The following SLC4A4 variants were observed in gnomAD, a reference collection of about 807,000 sequenced individuals.
The protein encoded by SLC4A4 is solute carrier family 4 member 4.
SLC4A4 carries 27 observed loss-of-function variants against 111.5 expected under a neutral mutation model. The observed-to-expected ratio is 0.24, with a 90% CI of 0.18 to 0.33. The LOEUF is 0.33. SLC4A4 is among the 10% of genes least tolerant of loss of function. SLC4A4 has a pLI of 1.00. For synonymous variants in SLC4A4, 443 were observed against 463.4 expected (o/e 0.96, Z 0.57); for missense variants, 909 against 1,315.5 (o/e 0.69, Z 4.78).
chr4:71,206,504 A>G (rs953866807), intron 1 of SLC4A4, among the ~76,000 whole-genome samples: 1 of 152,196 alleles, frequency 6.6e-6, no homozygotes, highest in African/African-American at 2.4e-5. Flanking sequence ...AGCCTTCCAT[A>G]ATTTTGAGAA....
intron 14 of SLC4A4, among the ~76,000 whole-genome samples, chr4:71,476,386 G>A (rs1408661259): frequency 6.6e-6 from 1 of 151,688 alleles, no homozygotes; most frequent in African/African-American, 2.4e-5. Context: ...TGCACTCTTA[G>A]TAAAATAATT....
chr4:71,535,238 G>A (rs1734308212), intron 18 of SLC4A4, among the ~76,000 whole-genome samples: 1 of 152,024 alleles, frequency 6.6e-6, no homozygotes, highest in Admixed American at 6.6e-5. Context: ...CAGAAGGAGA[G>A]GATATTACTA....
intron 7 of SLC4A4, among the ~76,000 whole-genome samples, chr4:71,428,050 C>G (rs1247251437): frequency 3.3e-5 from 5 of 152,118 alleles, no homozygotes; most frequent in Admixed American, 2.6e-4. Context: ...TTATCAAACT[C>G]TAATTCATCA....
At chr4:71,445,169 A>G (rs962283680) in intron 8 of SLC4A4, among the ~76,000 whole-genome samples, 13 of 152,140 alleles carry the variant, frequency 8.5e-5, no homozygotes, top group Admixed American at 2.0e-4. Flanking sequence ...GACTGGTTCT[A>G]TTTAGCAGAG....
chr4:71,394,891 A>G (rs560490783), intron 6 of SLC4A4, among the ~76,000 whole-genome samples: 1 of 152,284 alleles, frequency 6.6e-6, no homozygotes, highest in South Asian at 2.1e-4. Flanking sequence ...GCAAAGGCAT[A>G]AGAATGGTAC....
At chr4:71,135,851 C>T (rs1743829451) in intron 2 of SLC4A4, among the ~76,000 whole-genome samples, 1 of 152,084 alleles carries the variant, frequency 6.6e-6, no homozygotes, top group Non-Finnish European at 1.5e-5. Flanking sequence ...TCTGTCCCAT[C>T]TTCATTGAAA....
At chr4:71,555,573 TGCCTTAACTCTATA>T (rs1356325742) in intron 21 of SLC4A4, among the ~76,000 whole-genome samples, 1 of 151,982 alleles carries the variant, frequency 6.6e-6, no homozygotes, top group African/African-American at 2.4e-5. Context: ...TTTATCCATT[TGCCTTAACTCTATA>T]CTAAAAACAG....
At chr4:71,179,734 C>T (rs896247642) in intron 2 of SLC4A4, among the ~76,000 whole-genome samples, 10 of 152,142 alleles carry the variant, frequency 6.6e-5, no homozygotes, top group African/African-American at 2.4e-5. Context: ...ATTCCATGCT[C>T]GTGGGTAGGA....
chr4:71,277,002 C>T (rs1723117460), intron 3 of SLC4A4, among the ~76,000 whole-genome samples: 1 of 152,264 alleles, frequency 6.6e-6, no homozygotes, highest in Non-Finnish European at 1.5e-5. Context: ...CAAGATTGTG[C>T]CACTGCACTC....
chr4:71,551,384 A>G (rs887411023), intron 20 of SLC4A4, among the ~76,000 whole-genome samples: 2 of 151,850 alleles, frequency 1.3e-5, no homozygotes, highest in Admixed American at 1.3e-4. Flanking sequence ...GTGCCAGGGA[A>G]AGCAAAATGG....
intron 18 of SLC4A4, among the ~76,000 whole-genome samples, chr4:71,537,457 A>G (rs1415681490): frequency 1.3e-5 from 2 of 150,156 alleles, no homozygotes; most frequent in Non-Finnish European, 3.0e-5. Context: ...ATATAGAGAG[A>G]GAGAGAAAGA....
At chr4:71,379,500 C>T (rs4287977) in intron 6 of SLC4A4, among the ~76,000 whole-genome samples, 151,472 of 152,222 alleles carry the variant, frequency 1, 75,367 homozygotes, top group Middle Eastern at 1. Flanking sequence ...TAACTCTCAT[C>T]ATCTCCTCCT....
intron 16 of SLC4A4, among the ~76,000 whole-genome samples, chr4:71,498,186 A>G (rs1312847425): frequency 6.6e-6 from 1 of 152,152 alleles, no homozygotes; most frequent in Non-Finnish European, 1.5e-5. Flanking sequence ...CATATGAGCC[A>G]AACTTTCCTT....
chr4:71,141,868 G>C (rs995443767), intron 2 of SLC4A4, among the ~76,000 whole-genome samples: 1 of 152,218 alleles, frequency 6.6e-6, no homozygotes. Flanking sequence ...TTGAATCAAT[G>C]TTTGGAGAAT....
chr4:71,211,923 T>A (rs1718157267), intron 1 of SLC4A4, among the ~76,000 whole-genome samples: 1 of 146,354 alleles, frequency 6.8e-6, no homozygotes, highest in Admixed American at 6.7e-5. Flanking sequence ...AAACCAGGGA[T>A]TTTTTTTAGA....
chr4:71,285,736 T>G lies in SLC4A4; in HGVS notation c.253+30337T>G, dbSNP rs1377459565. Among the ~76,000 whole-genome samples, 3 of 152,228 alleles carry G rather than the reference T, an allele frequency of 2.0e-5. No individual in the cohort carries two copies. In the East Asian group the frequency reaches 5.8e-4, roughly 29 times the overall value. Reference sequence around the variant, plus strand: ...GCATTTAAAGGAGAAATTAAATATTTTTTTTGAACTTTGGCTACTCTATTT... The same window carrying G: ...GCATTTAAAGGAGAAATTAAATATTGTTTTTGAACTTTGGCTACTCTATTT... On this transcript the variant is annotated intron_variant, in intron 3 of 25. Transcript: ENST00000264485.
chr4:71,560,703 G>A (rs1422570955), intron 23 of SLC4A4, among the ~76,000 whole-genome samples: 2 of 151,660 alleles, frequency 1.3e-5, no homozygotes, highest in African/African-American at 4.8e-5. Context: ...TATTTGAGTA[G>A]GCTCTCCACC....
intron 6 of SLC4A4, among the ~76,000 whole-genome samples, chr4:71,364,125 T>C (rs1731036804): frequency 6.6e-6 from 1 of 152,204 alleles, no homozygotes; most frequent in African/African-American, 2.4e-5. Flanking sequence ...GCTTAGGAGA[T>C]AAAACTCAAG....
At chr4:71,385,189 A>ATATATATTTT (rs1718576535) in intron 6 of SLC4A4, among the ~76,000 whole-genome samples, 1 of 15,000 alleles carries the variant, frequency 6.7e-5, no homozygotes, top group Non-Finnish European at 2.6e-4. Context: ...ATATATATAT[A>ATATATATTTT]TATTTTTTTT....
Sources: allele counts gnomAD v4.1 joint callset (sites outside exome capture counted in the v4.1 genomes callset), GRCh38; gene constraint gnomAD v4.1.1; transcripts MANE v1.5; gene names NCBI Gene and HGNC (gene_info 2026-07-23, HGNC 2026-07-21).